Variants in ALX4 observed in about 807,000 individuals in gnomAD.
The protein encoded by ALX4 is homeobox protein aristaless-like 4.
ALX4 carries 22 observed loss-of-function variants against 40.6 expected under a neutral mutation model. The ratio of observed to expected loss-of-function variants is 0.54; its 90% CI spans 0.39 to 0.77. The LOEUF is 0.77. ALX4 is among the 30% of genes least tolerant of loss of function. The pLI, the probability that ALX4 is intolerant of heterozygous loss-of-function variation, is 0.00. For missense variants in ALX4, 556 were observed against 564.8 expected, an observed-to-expected ratio of 0.98 and a Z score of 0.16; for synonymous variants, 266 against 240.5, an observed-to-expected ratio of 1.11 and a Z score of -0.98.
chr11:44,282,858 T>G (rs558737068), intron 1 of ALX4, among the ~76,000 whole-genome samples: 1 of 152,356 alleles, frequency 6.6e-6, no homozygotes, highest in South Asian at 2.1e-4. Context: ...GGGCTTGCAC[T>G]GGTGTGATGG....
At chr11:44,265,219 G>C (rs1956206550) in intron 3 of ALX4, 36 bp from the exon 4 acceptor site, 1 of 1,558,916 alleles carries the variant, frequency 6.4e-7, no homozygotes. Context: ...CCGGCTGGCG[G>C]GCAGGTGTGG....
Position 44,264,963 on chromosome 11 carries a change from C to T in ALX4, c.1127G>A (p.Gly376Asp). The T allele has an allele frequency of 6.2e-7, 1 of 1,613,240 alleles. No homozygotes were observed. Among genetic ancestry groups the T allele is most frequent in the Non-Finnish European group, 8.5e-7 (1 of 1,179,952 alleles). The stretch of plus-strand genomic sequence containing the variant: ...GCCGTTGAGCTCGTAGCCATTGAGG[C>T]CTGGGCTGAGGCTGGCTGCTCCAAA... ...SLFGAASLSP[G>D]LNGYELNGEP... Residue 376 changes from glycine to aspartate, a missense_variant, in exon 4 of 4, where the codon GGC becomes GAC. Transcript: ENST00000652299.
At chr11:44,302,367 C>A (rs941945947) in intron 1 of ALX4, among the ~76,000 whole-genome samples, 1 of 152,214 alleles carries the variant, frequency 6.6e-6, no homozygotes, top group Non-Finnish European at 1.5e-5. Context: ...GCTGTGCACA[C>A]GCTCACACAA....
intron 1 of ALX4, among the ~76,000 whole-genome samples, chr11:44,284,986 T>C (rs1427291719): frequency 6.6e-6 from 1 of 151,890 alleles, no homozygotes; most frequent in Non-Finnish European, 1.5e-5. Context: ...TTTTTTGAGA[T>C]GGAGTCTCGC....
intron 1 of ALX4, among the ~76,000 whole-genome samples, chr11:44,307,912 G>T (rs528900943): frequency 6.6e-6 from 1 of 152,172 alleles, no homozygotes; most frequent in Admixed American, 6.5e-5. Context: ...AGCTGTGGGT[G>T]TCTGTGTGTG....
chr11:44,291,331 C>T (rs4998869), intron 1 of ALX4, among the ~76,000 whole-genome samples: 102,522 of 151,768 alleles, frequency 0.68, 34,882 homozygotes, highest in South Asian at 0.89. Context: ...CGTTATCACT[C>T]GCCCTGCCTG....
intron 1 of ALX4, among the ~76,000 whole-genome samples, chr11:44,304,601 C>T (rs1418398858): frequency 1.3e-5 from 2 of 152,190 alleles, no homozygotes; most frequent in Non-Finnish European, 2.9e-5. Context: ...TGCAGAGAAG[C>T]CCGAAGCCCG....
rs548034840 is a variant in ALX4, at chr11:44,292,104, A to G, written c.467-16446T>C. Reference sequence around the variant, plus strand: ...AGTGCTGGGATTACAGGTGTGAGCCACCTCGCCTGGCCCAAATATACTCAT... The same window carrying G: ...AGTGCTGGGATTACAGGTGTGAGCCGCCTCGCCTGGCCCAAATATACTCAT... On this transcript the variant is annotated intron_variant, in intron 1 of 3. Transcript: ENST00000652299. 2.0e-5 allele frequency among the ~76,000 whole-genome samples: 3 copies of G among 152,112 alleles called. No homozygotes were observed. The South Asian group carries it at 6.2e-4, about 32-fold the overall frequency.
At chr11:44,295,515 C>T (rs933564189) in intron 1 of ALX4, among the ~76,000 whole-genome samples, 1 of 152,258 alleles carries the variant, frequency 6.6e-6, no homozygotes, top group Non-Finnish European at 1.5e-5. Flanking sequence ...CCGGGGACAG[C>T]TACTTCTCTG....
At chr11:44,300,782 G>A (rs997938375) in intron 1 of ALX4, among the ~76,000 whole-genome samples, 2 of 152,238 alleles carry the variant, frequency 1.3e-5, no homozygotes, top group African/African-American at 4.8e-5. Flanking sequence ...GAGAAAGCAT[G>A]GAGGGAGAAA....
At chr11:44,270,445 C>A (rs1469843881) in intron 2 of ALX4, among the ~76,000 whole-genome samples, 1 of 152,082 alleles carries the variant, frequency 6.6e-6, no homozygotes. Context: ...CCAGTTCTGG[C>A]TTTTCTGCCC....
intron 1 of ALX4, among the ~76,000 whole-genome samples, chr11:44,282,558 C>T (rs560192588): frequency 2.2e-4 from 33 of 152,302 alleles, no homozygotes; most frequent in East Asian, 1.5e-3. Flanking sequence ...AGAATCACCC[C>T]GAAATGGAGA....
At chr11:44,300,095 T>C (rs1246224542) in intron 1 of ALX4, among the ~76,000 whole-genome samples, 2 of 152,192 alleles carry the variant, frequency 1.3e-5, no homozygotes, top group African/African-American at 4.8e-5. Context: ...GAGCCAGGCC[T>C]GGCATCCCAG....
intron 1 of ALX4, among the ~76,000 whole-genome samples, chr11:44,295,977 A>C (rs1956400518): frequency 6.6e-6 from 1 of 152,206 alleles, no homozygotes; most frequent in African/African-American, 2.4e-5. Context: ...GGTCCCGGAA[A>C]ACAAATGTGT....
Position 44,302,630 on chromosome 11 carries a change from C to A in ALX4, c.466+6967G>T, listed in dbSNP as rs147767198. ...TGAGTGGACACAGGGGCCATGAGCC[C>A]GGGGCCTCAGCTTGAGCCTGGTCAC... On this transcript the variant is annotated intron_variant, in intron 1 of 3. Coordinates refer to ENST00000652299, the MANE Select transcript of ALX4 (RefSeq NM_021926.4). 5.9e-4 allele frequency among the ~76,000 whole-genome samples: 90 copies of A among 152,246 alleles called. 1 individual carries two copies. Among genetic ancestry groups the A allele is most frequent in the African/African-American group, 2.1e-3 (88 of 41,538 alleles).
intron 1 of ALX4, among the ~76,000 whole-genome samples, chr11:44,302,335 G>A (rs554127394): frequency 1.3e-5 from 2 of 152,260 alleles, no homozygotes; most frequent in Admixed American, 6.5e-5. Flanking sequence ...GAATGGGCAC[G>A]GCACACACCG....
chr11:44,309,864 C>T lies in ALX4; in HGVS notation c.199G>A (p.Gly67Ser), dbSNP rs1474230398. ...GTCGCCAGGTCCTGCTGCCCAGCGC[C>T]GTAACGGGCCCGGCTCTTGGCGTCC... ...FGDAKSRARY[G>S]AGQQDLATPL... The change falls in exon 1 of 4, where the codon GGC becomes AGC. Residue 67 changes from glycine to serine, a missense_variant. Coordinates refer to ENST00000652299, the MANE Select transcript of ALX4 (RefSeq NM_021926.4). The T allele has an allele frequency of 1.3e-6, 2 of 1,565,618 alleles. No homozygotes were observed. The highest frequency in any genetic ancestry group is 2.4e-5 in the East Asian group (1 of 41,908).
chr11:44,304,809 C>T (rs371013264), intron 1 of ALX4, among the ~76,000 whole-genome samples: 6 of 152,336 alleles, frequency 3.9e-5, no homozygotes, highest in African/African-American at 1.4e-4. Context: ...TCCGGGACTT[C>T]GCCGAGATTT....
intron 3 of ALX4, among the ~76,000 whole-genome samples, chr11:44,266,056 A>G (rs1196818317): frequency 6.6e-6 from 1 of 151,032 alleles, no homozygotes; most frequent in Non-Finnish European, 1.5e-5. Flanking sequence ...GCCCTCCTGC[A>G]TGTGTCTGGA....
Sources: allele counts gnomAD v4.1 joint callset (sites outside exome capture counted in the v4.1 genomes callset), GRCh38; gene constraint gnomAD v4.1.1; transcripts MANE v1.5; gene names NCBI Gene and HGNC (gene_info 2026-07-23, HGNC 2026-07-21).